The following MTG1 variants were observed in gnomAD, a reference collection of about 807,000 sequenced individuals.
The protein encoded by MTG1 is mitochondrial ribosome associated GTPase 1.
MTG1 carries 30 observed loss-of-function variants against 39.5 expected under a neutral mutation model. That is an observed-to-expected ratio of 0.76 (90% CI 0.57 to 1.03). MTG1 has a LOEUF of 1.03. Ranked by LOEUF, MTG1 falls within the 50% of genes least tolerant of loss-of-function variation. The pLI, the probability that MTG1 is intolerant of heterozygous loss-of-function variation, is 0.00. For synonymous variants in MTG1, 217 were observed against 179.0 expected (o/e 1.21, Z -1.69); for missense variants, 513 against 447.4 (o/e 1.15, Z -1.32).
chr10:133,406,977 G>T (rs1334493796), intron 9 of MTG1, among the ~76,000 whole-genome samples: 1 of 152,154 alleles, frequency 6.6e-6, no homozygotes, highest in Admixed American at 6.5e-5. Context: ...ATTTGGTTTT[G>T]TATATTGTGA....
At position 133,418,722 on chromosome 10, in the gene MTG1, C is replaced by T. The variant is rs968866734; in HGVS notation, c.753-758C>T. Among the ~76,000 whole-genome samples, 6 of 152,268 alleles carry T rather than the reference C, an allele frequency of 3.9e-5. No homozygotes were observed. The South Asian group carries it at 6.2e-4, about 16-fold the overall frequency. On this transcript the variant is annotated intron_variant, in intron 9 of 10. Coordinates refer to ENST00000317502, the MANE Select transcript of MTG1 (RefSeq NM_138384.4). The stretch of plus-strand genomic sequence containing the variant: ...GCCTCCTCAAGGTTGAGCCTGCCCT[C>T]GTGGGAGCCACGAGACAGGTTCCCC...
In MTG1 at chr10:133,402,499, C is replaced by A; in HGVS notation, c.671-193C>A. The A allele has an allele frequency of 2.9e-6, 2 of 693,644 alleles. No homozygotes were observed. Among genetic ancestry groups the A allele is most frequent in the Non-Finnish European group, 4.8e-6 (2 of 413,428 alleles). 43.0% of individuals were successfully genotyped at this position (693,644 alleles called of 1,614,324 possible). ...GACGGACCAGGGCAGAGAGGTTGGT[C>A]GCAGGTGCCAGGCAGGAGTGGGGGC... On this transcript the variant is annotated intron_variant, in intron 8 of 10. Transcript: ENST00000317502. The surrounding 1 kb of genome is among the most constrained non-coding windows in gnomAD (Gnocchi z 4.7).
intron 9 of MTG1, among the ~76,000 whole-genome samples, chr10:133,406,735 G>A (rs1020136814): frequency 1.4e-5 from 2 of 141,404 alleles, no homozygotes; most frequent in Admixed American, 1.5e-4. Flanking sequence ...GCACGATCTC[G>A]GCTCGCTGCA....
At position 133,398,449 on chromosome 10, in the gene MTG1, C is replaced by T; in HGVS notation, c.297C>T (p.His99=). The part of the protein sequence containing the change: ...DLTEQQKIMQ[H]LEGEGLKNVI... ...GTGTCTTTCAGAAAATTATGCAACA[C>T]TTAGAAGGAGAAGGCCTAAAAAATG... The change falls in exon 4 of 11, where the codon CAC becomes CAT. Residue 99 remains histidine (H), a synonymous_variant. Transcript: ENST00000317502. 6.2e-7 allele frequency: 1 copy of T among 1,612,598 alleles called. No homozygotes were observed. The highest frequency in any genetic ancestry group is 8.5e-7 in the Non-Finnish European group (1 of 1,179,654).
At chr10:133,395,587 C>A in intron 1 of MTG1, 126 bp from the exon 2 acceptor site, 2 of 865,690 alleles carry the variant, frequency 2.3e-6, no homozygotes, top group Non-Finnish European at 1.9e-6. Flanking sequence ...TTACTTAGTA[C>A]GCTTCCCTCA....
intron 9 of MTG1, 79 bp from the exon 10 acceptor site, chr10:133,419,401 C>A: frequency 7.9e-7 from 1 of 1,258,302 alleles, no homozygotes; most frequent in Non-Finnish European, 1.1e-6. Context: ...TTGTGGCATT[C>A]AGGAGGAAGG....
intron 9 of MTG1, among the ~76,000 whole-genome samples, chr10:133,418,318 A>G (rs1850166865): frequency 6.6e-6 from 1 of 152,194 alleles, no homozygotes; most frequent in Non-Finnish European, 1.5e-5. Flanking sequence ...GATGCCATGT[A>G]TTTTGAGTTT....
Position 133,417,997 on chromosome 10 carries a change from C to G in MTG1, c.753-1483C>G, listed in dbSNP as rs1369826358. 1.3e-5 allele frequency among the ~76,000 whole-genome samples: 2 copies of G among 152,108 alleles called. 1 individual carries two copies. Among genetic ancestry groups the G allele is most frequent in the Non-Finnish European group, 2.9e-5 (2 of 68,018 alleles). ...GCCATCCCCATCAAGCTACCAATGA[C>G]TTTCTTTTTTTCTTTTTTTTGAGAT... On this transcript the variant is annotated intron_variant, in intron 9 of 10. Coordinates refer to ENST00000317502, the MANE Select transcript of MTG1 (RefSeq NM_138384.4).
intron 9 of MTG1, among the ~76,000 whole-genome samples, chr10:133,414,089 T>C (rs1433217330): frequency 6.7e-6 from 1 of 149,582 alleles, no homozygotes; most frequent in Non-Finnish European, 1.5e-5. Flanking sequence ...TGTCCCTGGG[T>C]ACTTGAGATT....
At chr10:133,401,843 T>C in intron 7 of MTG1, 2 of 656,812 alleles carry the variant, frequency 3.0e-6, no homozygotes, top group Non-Finnish European at 5.5e-6. Context: ...TCCAGGGCCA[T>C]GCAGTGGTCA....
intron 1 of MTG1, among the ~76,000 whole-genome samples, 160 bp from the exon 2 acceptor site, chr10:133,395,553 C>A (rs1343749108): frequency 6.6e-6 from 1 of 152,232 alleles, no homozygotes; most frequent in Non-Finnish European, 1.5e-5. Context: ...GGAGGAGGCG[C>A]TCAGCGGATG....
rs1221647231 is a variant in MTG1 at position 133,421,903 on chromosome 10, C to CG, written c.*1744dup. 33 of 134,366 alleles carry CG rather than the reference C, an allele frequency of 2.5e-4. 3 individuals are homozygous for CG. Among genetic ancestry groups the CG allele is most frequent in the Admixed American group, 7.2e-4 (9 of 12,442 alleles). 8.3% of individuals were successfully genotyped at this position (134,366 alleles called of 1,614,324 possible). On this transcript the variant is annotated 3_prime_UTR_variant, in exon 11 of 11. Coordinates refer to ENST00000317502, the MANE Select transcript of MTG1 (RefSeq NM_138384.4). Reference sequence around the variant, plus strand: ...AGAGGGTGAGATCCCAAGGCCACGGCGGGGGGCAGGGAGAACCCCTCCTAC... The same window carrying CG: ...AGAGGGTGAGATCCCAAGGCCACGGCGGGGGGGCAGGGAGAACCCCTCCTAC...
intron 9 of MTG1, among the ~76,000 whole-genome samples, chr10:133,410,498 T>A (rs527723612): frequency 6.6e-6 from 1 of 152,384 alleles, no homozygotes; most frequent in East Asian, 1.9e-4. Flanking sequence ...TCGCATGTGG[T>A]TAAGAGATTT....
chr10:133,400,156 C>T (rs780898018), intron 6 of MTG1, among the ~76,000 whole-genome samples: 7 of 151,668 alleles, frequency 4.6e-5, no homozygotes, highest in African/African-American at 1.7e-4. Flanking sequence ...TGTGCCACTG[C>T]GTTCCAGCCT....
At chr10:133,395,060 G>C (rs1849760382) in intron 1 of MTG1, among the ~76,000 whole-genome samples, 1 of 152,162 alleles carries the variant, frequency 6.6e-6, no homozygotes, top group Non-Finnish European at 1.5e-5. Flanking sequence ...GGTAGCAGGG[G>C]CCTAATGAGC....
rs1233888537 is a variant in MTG1, at chr10:133,402,584, C to T, written c.671-108C>T. 4 of 1,037,018 alleles carry T rather than the reference C, an allele frequency of 3.9e-6. No individual in the cohort carries two copies. Among genetic ancestry groups the T allele is most frequent in the Middle Eastern group, 6.1e-4 (2 of 3,258 alleles). The allele number at this position is 1,037,018 out of a possible 1,614,324, so 64.2% of individuals were successfully genotyped here. A position where few individuals can be genotyped will look rare whatever the true frequency, so the allele number is the denominator to read the frequency against. Reference sequence around the variant, plus strand: ...TGTCTTTGTCAGTGGCTGGCCTCTTCCTCACGGCACGGTGTCTTTGGGCTA... The same window carrying T: ...TGTCTTTGTCAGTGGCTGGCCTCTTTCTCACGGCACGGTGTCTTTGGGCTA... On this transcript the variant is annotated intron_variant, in intron 8 of 10. Transcript: ENST00000317502. This position sits in a 1 kb window ranked among gnomAD's most constrained non-coding sequence, Gnocchi z 4.7.
intron 1 of MTG1, 97 bp downstream of exon 1, chr10:133,394,429 C>T (rs1426449684): frequency 3.0e-6 from 4 of 1,331,246 alleles, no homozygotes; most frequent in African/African-American, 3.1e-5. Flanking sequence ...TTCTCCCGGT[C>T]GTTCTGGGCT....
chr10:133,404,005 CAG>C (rs1231426095), intron 9 of MTG1, among the ~76,000 whole-genome samples: 3 of 150,950 alleles, frequency 2.0e-5, no homozygotes, highest in Admixed American at 2.0e-4. Flanking sequence ...TCCCTGATGA[CAG>C]GGACGTTGAG....
chr10:133,413,916 T>C (rs1392993977), intron 9 of MTG1, among the ~76,000 whole-genome samples: 1 of 151,622 alleles, frequency 6.6e-6, no homozygotes, highest in Non-Finnish European at 1.5e-5. Flanking sequence ...GTGTTTTCTT[T>C]TCTTTTTTTT....
Sources: gnomAD v4.1 joint callset for allele counts (sites outside exome capture counted in the v4.1 genomes callset) on GRCh38, gnomAD v4.1.1 for gene constraint, Gnocchi (gnomAD v3.1) non-coding constraint, MANE v1.5 for transcripts, NCBI Gene and HGNC (gene_info 2026-07-23, HGNC 2026-07-21) for gene names.